The following FBN1 variants were observed in gnomAD, a reference collection of about 807,000 sequenced individuals.
FBN1 encodes the protein fibrillin-1.
A neutral mutation model predicts 365.1 loss-of-function variants in FBN1; 29 were observed. The ratio of observed to expected loss-of-function variants is 0.08; its 90% CI spans 0.06 to 0.11. The LOEUF (loss-of-function observed/expected upper bound fraction) is 0.11. FBN1 is among the 10% of genes least tolerant of loss of function. The pLI is 1.00. For synonymous variants in FBN1, 1,210 were observed against 1,270.5 expected (o/e 0.95, Z 1.01); for missense variants, 2,476 against 3,703.2 (o/e 0.67, Z 8.60).
At position 48,622,733 on chromosome 15, in the gene FBN1, C is replaced by T. The variant is rs1042672693; in HGVS notation, c.165-9641G>A. On this transcript the variant is annotated intron_variant, in intron 2 of 65. Transcript: ENST00000316623. Reference sequence around the variant, plus strand: ...GGTAGGCCTAATCTACCTGTCAACTCTTATCTTTACCTATACCTTCAACTT... The same window carrying T: ...GGTAGGCCTAATCTACCTGTCAACTTTTATCTTTACCTATACCTTCAACTT... 2.0e-5 allele frequency among the ~76,000 whole-genome samples: 3 copies of T among 152,092 alleles called. No individual in the cohort carries two copies. In the East Asian group the frequency reaches 5.8e-4, roughly 29 times the overall value.
intron 36 of FBN1, 63 bp downstream of exon 36, chr15:48,470,571 G>C: frequency 6.2e-7 from 1 of 1,609,068 alleles, no homozygotes; most frequent in Non-Finnish European, 8.5e-7. Flanking sequence ...TCCCAGGGAG[G>C]CTCCAATAGC....
intron 15 of FBN1, 63 bp downstream of exon 15, chr15:48,508,519 T>C: frequency 1.2e-6 from 2 of 1,609,874 alleles, no homozygotes; most frequent in Non-Finnish European, 1.7e-6. Flanking sequence ...GTAGTACCTC[T>C]AAACAACATA....
At chr15:48,441,097 T>A (rs902321681) in intron 50 of FBN1, among the ~76,000 whole-genome samples, 1 of 152,228 alleles carries the variant, frequency 6.6e-6, no homozygotes, top group African/African-American at 2.4e-5. Context: ...GGGACTTAAG[T>A]ACATACTGTG....
At position 48,452,552 on chromosome 15, in the gene FBN1, C is replaced by G. The variant is rs1231571005; in HGVS notation, c.5545+10G>C. On this transcript the variant is annotated intron_variant, in intron 45 of 65. Transcript: ENST00000316623. ...GGGTAGGCATGTCCAGCCTGTGGGG[C>G]ACTACATACCATTGCACTGTCCTGT... 3 of 1,613,878 alleles carry G rather than the reference C, an allele frequency of 1.9e-6. No homozygotes were observed. Among genetic ancestry groups the G allele is most frequent in the Admixed American group, 1.7e-5 (1 of 59,994 alleles).
intron 6 of FBN1, among the ~76,000 whole-genome samples, chr15:48,588,621 C>A (rs146922564): frequency 2.0e-5 from 3 of 152,164 alleles, no homozygotes; most frequent in African/African-American, 7.2e-5. Flanking sequence ...TTCAATTGAA[C>A]CACCAAGGGA....
intron 30 of FBN1, 37 bp from the exon 31 acceptor site, chr15:48,483,980 T>C: frequency 6.2e-7 from 1 of 1,607,920 alleles, no homozygotes; most frequent in Non-Finnish European, 8.5e-7. Flanking sequence ...AGGTTGTTGA[T>C]ATTGGTTCCA....
At chr15:48,577,839 T>TC (rs1670539796) in intron 6 of FBN1, among the ~76,000 whole-genome samples, 1 of 152,164 alleles carries the variant, frequency 6.6e-6, no homozygotes, top group African/African-American at 2.4e-5. Flanking sequence ...TGCAACGCCT[T>TC]CCTACAAGGT....
chr15:48,453,079 A>G (rs2043213302), intron 44 of FBN1, among the ~76,000 whole-genome samples: 1 of 152,154 alleles, frequency 6.6e-6, no homozygotes, highest in Non-Finnish European at 1.5e-5. Flanking sequence ...CAACATGGTG[A>G]AACCCCGTCT....
In FBN1 at chr15:48,600,249, A is replaced by G. The variant is rs749417882; in HGVS notation, c.347-15T>C. 2.2e-5 allele frequency: 36 copies of G among 1,605,468 alleles called. No homozygotes were observed. The highest frequency in any genetic ancestry group is 3.0e-5 in the Non-Finnish European group (35 of 1,172,494). On this transcript the variant is annotated splice_polypyrimidine_tract_variant and intron_variant, in intron 4 of 65. Transcript: ENST00000316623. ...GCAGTGTTGTACTTGAAAAAAAAGA[A>G]GAAGAATTCACTTTTGCAACTTAAA...
At chr15:48,555,010 C>T (rs954800587) in intron 6 of FBN1, among the ~76,000 whole-genome samples, 3 of 152,238 alleles carry the variant, frequency 2.0e-5, no homozygotes, top group Non-Finnish European at 2.9e-5. Flanking sequence ...GTTTCTTCAA[C>T]GTGAGACAGA....
chr15:48,636,122 C>T (rs1438914044), intron 2 of FBN1, among the ~76,000 whole-genome samples: 1 of 152,198 alleles, frequency 6.6e-6, no homozygotes, highest in African/African-American at 2.4e-5. Flanking sequence ...AGTCCATGCC[C>T]TTCAATCTGG....
chr15:48,567,801 G>A (rs181310576), intron 6 of FBN1, among the ~76,000 whole-genome samples: 1 of 151,936 alleles, frequency 6.6e-6, no homozygotes, highest in East Asian at 1.9e-4. Flanking sequence ...TAAACAGAAA[G>A]AAACTACCTC....
chr15:48,508,814 T>G (rs990128793), intron 14 of FBN1, 110 bp from the exon 15 acceptor site: 5 of 1,339,392 alleles, frequency 3.7e-6, no homozygotes, highest in Non-Finnish European at 5.2e-6. Context: ...TTTTTGTTAT[T>G]ACAGCCTAAG....
At chr15:48,436,836 A>T (rs528980261) in intron 53 of FBN1, 125 bp downstream of exon 53, 1 of 752,564 alleles carries the variant, frequency 1.3e-6, no homozygotes, top group African/African-American at 1.7e-5. Flanking sequence ...TGAATGATGT[A>T]TGAGTGGATG....
chr15:48,602,703 A>T (rs915495672), intron 4 of FBN1, among the ~76,000 whole-genome samples: 3 of 152,228 alleles, frequency 2.0e-5, no homozygotes, highest in Non-Finnish European at 4.4e-5. Context: ...TTAGGCTCTT[A>T]TGATTCCGTT....
At chr15:48,639,306 A>G (rs1890156168) in intron 2 of FBN1, among the ~76,000 whole-genome samples, 1 of 152,250 alleles carries the variant, frequency 6.6e-6, no homozygotes, top group South Asian at 2.1e-4. Flanking sequence ...TGAGGATTCA[A>G]TGAATTATCA....
At chr15:48,415,433 G>A (rs2042894598) in intron 64 of FBN1, 103 bp downstream of exon 64, 1 of 899,420 alleles carries the variant, frequency 1.1e-6, no homozygotes, top group African/African-American at 1.6e-5. Flanking sequence ...ATTACAAAAA[G>A]CATGGTTCTC....
chr15:48,444,605 G>A lies in FBN1; in HGVS notation c.5973C>T (p.Asn1991=). The A allele has an allele frequency of 6.2e-7, 1 of 1,613,574 alleles. No individual in the cohort carries two copies. The highest frequency in any genetic ancestry group is 1.3e-5 in the African/African-American group (1 of 75,000). The change falls in exon 49 of 66, where the codon AAC becomes AAT. Residue 1991 remains asparagine, a synonymous_variant. Transcript: ENST00000316623. The part of the protein sequence containing the change: ...PRKCAPGTCQ[N]LDGSYRCICP... ...AAATGCATCTGTAGGACCCATCCAA[G>A]TTTTGACAGGTACCTGGTGCACATT...
chr15:48,610,928 C>T (rs772415553), intron 3 of FBN1, 102 bp from the exon 4 acceptor site: 30 of 908,332 alleles, frequency 3.3e-5, no homozygotes, highest in Non-Finnish European at 5.0e-5. Flanking sequence ...AGGTCCCTCA[C>T]AAACTTTGCT....
Sources: gnomAD v4.1 joint callset for allele counts (sites outside exome capture counted in the v4.1 genomes callset) on GRCh38, gnomAD v4.1.1 for gene constraint, MANE v1.5 for transcripts, NCBI Gene and HGNC (gene_info 2026-07-23, HGNC 2026-07-21) for gene names.